Variants in IREB2 observed in about 807,000 individuals in gnomAD.
IREB2 encodes iron-responsive element-binding protein 2.
A neutral mutation model predicts 118.8 loss-of-function variants in IREB2; 39 were observed. The observed-to-expected ratio is 0.33, with a 90% CI of 0.25 to 0.43. The LOEUF is 0.43. Ranked by LOEUF, IREB2 falls within the 20% of genes least tolerant of loss-of-function variation. IREB2 has a pLI of 1.00. For synonymous variants in IREB2, 372 were observed against 392.2 expected (o/e 0.95, Z 0.61); for missense variants, 900 against 1,147.3 (o/e 0.78, Z 3.11).
intron 3 of IREB2, among the ~76,000 whole-genome samples, chr15:78,464,193 G>T (rs1005101066): frequency 6.6e-6 from 1 of 152,174 alleles, no homozygotes. Context: ...ACAGTAGATG[G>T]AGTGACTTGG....
chr15:78,442,542 C>T (rs959416554), intron 2 of IREB2, among the ~76,000 whole-genome samples: 3 of 152,302 alleles, frequency 2.0e-5, no homozygotes, highest in African/African-American at 7.2e-5. Context: ...TGGATTCTAT[C>T]CCTCATAAAT....
In IREB2 at chr15:78,465,321, A is replaced by G. The variant is rs547881233; in HGVS notation, c.343A>G (p.Lys115Glu). The G allele has an allele frequency of 1.3e-5, 21 of 1,613,706 alleles. No homozygotes were observed. The South Asian group carries it at 2.2e-4, about 17-fold the overall frequency. ...GAAAACTCTTGGAGGTGATCCTGAG[A>G]AAGTCCATCCTGCTTGTCCGACAGA... ...AVKTLGGDPE[K>E]VHPACPTDLT... Residue 115 changes from lysine to glutamate, a missense_variant, in exon 4 of 22, where the codon AAA becomes GAA. Lys to Glu is a moderately conservative substitution (Grantham distance 56, BLOSUM62 1). Coordinates refer to ENST00000258886, the MANE Select transcript of IREB2 (RefSeq NM_004136.4).
rs2051408787 is a variant in IREB2 at position 78,473,223 on chromosome 15, C to T, written c.884-19C>T. On this transcript the variant is annotated intron_variant, in intron 7 of 21. Coordinates refer to ENST00000258886, the MANE Select transcript of IREB2 (RefSeq NM_004136.4). ...TCTTTAAATATACTGTGCTAATATA[C>T]CTGTCTTTATTACGTTAGGGGTTGG... 1 of 1,609,418 alleles carries T rather than the reference C, an allele frequency of 6.2e-7. No homozygotes were observed. Among genetic ancestry groups the T allele is most frequent in the African/African-American group, 1.3e-5 (1 of 74,722 alleles).
At chr15:78,466,646 G>T (rs2051288298) in intron 5 of IREB2, among the ~76,000 whole-genome samples, 157 bp downstream of exon 5, 1 of 152,078 alleles carries the variant, frequency 6.6e-6, no homozygotes, top group Non-Finnish European at 1.5e-5. Flanking sequence ...ACTAAAAGAA[G>T]TAAATTTAGT....
intron 2 of IREB2, among the ~76,000 whole-genome samples, chr15:78,440,861 A>G (rs1344005842): frequency 6.6e-6 from 1 of 152,138 alleles, no homozygotes; most frequent in African/African-American, 2.4e-5. Context: ...GTGGTCTCAG[A>G]AGAGTGAATG....
At position 78,471,803 on chromosome 15, in the gene IREB2, A is replaced by G. The variant is rs573662164; in HGVS notation, c.762A>G (p.Gln254=). 1.2e-5 allele frequency: 19 copies of G among 1,613,678 alleles called. No individual in the cohort carries two copies. The highest frequency in any genetic ancestry group is 8.0e-5 in the African/African-American group (6 of 74,930). ...CTCCTGGAACTGGAATGGCTCATCA[A>G]ATAAACTTAGAATATTTGTCAAGAG... ...VIPPGTGMAH[Q]INLEYLSRVV... The change falls in exon 7 of 22, where the codon CAA becomes CAG. Residue 254 remains glutamine (Q), a synonymous_variant. Transcript: ENST00000258886.
intron 18 of IREB2, 135 bp from the exon 19 acceptor site, chr15:78,493,774 G>A: frequency 1.4e-6 from 1 of 690,700 alleles, no homozygotes; most frequent in South Asian, 2.0e-5. Context: ...TAGGCGCATG[G>A]ACATTCATGG....
intron 10 of IREB2, among the ~76,000 whole-genome samples, chr15:78,479,445 A>G (rs950180212): frequency 7.2e-6 from 1 of 138,372 alleles, no homozygotes; most frequent in African/African-American, 2.7e-5. Context: ...CGTGTTGCTT[A>G]GGGTGGTCTT....
chr15:78,464,886 T>G (rs2051255218), intron 3 of IREB2, among the ~76,000 whole-genome samples: 1 of 152,090 alleles, frequency 6.6e-6, no homozygotes, highest in East Asian at 1.9e-4. Flanking sequence ...CAAAAGCTAC[T>G]GTGGATAGCT....
intron 3 of IREB2, among the ~76,000 whole-genome samples, 163 bp downstream of exon 3, chr15:78,463,250 G>A (rs917067450): frequency 1.3e-5 from 2 of 152,094 alleles, no homozygotes; most frequent in Admixed American, 6.5e-5. Context: ...GTCAGTCTGG[G>A]CAACATAGTG....
At position 78,488,696 on chromosome 15, in the gene IREB2, T is replaced by A. The variant is rs1416426005; in HGVS notation, c.2001T>A (p.Ser667Arg). ...TTTACCTGCATGATATTTGGCCTAG[T>A]CGAGAAGAAGTTCATCGAGTAGAGG... Reference protein sequence around the residue: ...KNIYLHDIWPSREEVHRVEEE... With the variant: ...KNIYLHDIWPRREEVHRVEEE... Residue 667 changes from serine to arginine, a missense_variant, in exon 16 of 22, where the codon AGT becomes AGA. Ser to Arg is a moderately radical substitution (Grantham distance 110). Coordinates refer to ENST00000258886, the MANE Select transcript of IREB2 (RefSeq NM_004136.4). The A allele has an allele frequency of 6.2e-7, 1 of 1,612,204 alleles. No individual in the cohort carries two copies. Among genetic ancestry groups the A allele is most frequent in the Admixed American group, 1.7e-5 (1 of 59,900 alleles).
chr15:78,438,000 A>G (rs1342210597), upstream of IREB2, among the ~76,000 whole-genome samples: 1 of 152,258 alleles, frequency 6.6e-6, no homozygotes, highest in Admixed American at 6.5e-5. Context: ...ATCGCTGCGA[A>G]GGCCAAACTA....
intron 5 of IREB2, among the ~76,000 whole-genome samples, chr15:78,468,519 C>T (rs1030019557): frequency 1.3e-5 from 2 of 150,336 alleles, no homozygotes; most frequent in African/African-American, 4.9e-5. Context: ...GCTGGGACTG[C>T]AGGCATGTGG....
At chr15:78,467,066 C>T (rs561670171) in intron 5 of IREB2, among the ~76,000 whole-genome samples, 28 of 151,790 alleles carry the variant, frequency 1.8e-4, no homozygotes, top group Non-Finnish European at 2.8e-4. Flanking sequence ...AAAAATTACC[C>T]GGGTGTGGTG....
intron 2 of IREB2, among the ~76,000 whole-genome samples, chr15:78,451,602 G>GA (rs1308637764): frequency 6.6e-6 from 1 of 152,178 alleles, no homozygotes; most frequent in East Asian, 1.9e-4. Context: ...ACTACAGGTT[G>GA]AGTATCCCTA....
At chr15:78,443,789 G>C (rs959749146) in intron 2 of IREB2, among the ~76,000 whole-genome samples, 1 of 152,072 alleles carries the variant, frequency 6.6e-6, no homozygotes, top group African/African-American at 2.4e-5. Flanking sequence ...TGGGACTACA[G>C]GTGTGTGCCA....
intron 9 of IREB2, 138 bp from the exon 10 acceptor site, chr15:78,478,159 G>A (rs959786961): frequency 5.1e-5 from 29 of 569,690 alleles, no homozygotes; most frequent in Admixed American, 1.2e-4. Flanking sequence ...GCTTGAGCTC[G>A]GGAGGTCAAG....
In IREB2 at chr15:78,438,344, G is replaced by A. The variant is rs1016022320; in HGVS notation, c.7G>A (p.Ala3Thr). The A allele has an allele frequency of 2.0e-5, 32 of 1,596,256 alleles. No individual in the cohort carries two copies. The highest frequency in any genetic ancestry group is 2.5e-5 in the Non-Finnish European group (29 of 1,172,352). Residue 3 changes from alanine (A) to threonine (T), a missense_variant, in exon 1 of 22, where the codon GCC becomes ACC. Physicochemically the swap from Ala to Thr is moderately conservative, Grantham distance 58 (BLOSUM62 0). Coordinates refer to ENST00000258886, the MANE Select transcript of IREB2 (RefSeq NM_004136.4). MD[A>T]PKAGYAFEYL... Reference sequence around the variant, plus strand: ...GATAATATGGTCTCCGGCGATGGACGCCCCAAAAGCAGGTCAGTTTCGGGC... The same window carrying A: ...GATAATATGGTCTCCGGCGATGGACACCCCAAAAGCAGGTCAGTTTCGGGC...
chr15:78,464,756 T>C (rs976330231), intron 3 of IREB2, among the ~76,000 whole-genome samples: 10 of 152,166 alleles, frequency 6.6e-5, no homozygotes, highest in African/African-American at 2.2e-4. Flanking sequence ...TAAAATTTTT[T>C]TGAGAGCCAG....
Sources: allele counts gnomAD v4.1 joint callset (sites outside exome capture counted in the v4.1 genomes callset), GRCh38; gene constraint gnomAD v4.1.1; transcripts MANE v1.5; gene names NCBI Gene and HGNC (gene_info 2026-07-23, HGNC 2026-07-21).